The following NFIC variants were observed in gnomAD, a reference collection of about 807,000 sequenced individuals.
The protein encoded by NFIC is nuclear factor I C, also known as nuclear factor 1 C-type.
In NFIC, 12 loss-of-function variants were observed where a neutral mutation model predicts 54.4. The observed-to-expected ratio is 0.22, with a 90% CI of 0.14 to 0.36. The LOEUF (loss-of-function observed/expected upper bound fraction) is 0.36, where lower values mean the gene tolerates loss of function less well. Ranked by LOEUF, NFIC falls within the 10% of genes least tolerant of loss-of-function variation. The pLI is 1.00. For synonymous variants in NFIC, 322 were observed against 319.2 expected, an observed-to-expected ratio of 1.01 and a Z score of -0.09; for missense variants, 575 against 718.2, an observed-to-expected ratio of 0.80 and a Z score of 2.28.
At chr19:3,454,062 G>A (rs2082513069) in intron 9 of NFIC, 146 bp downstream of exon 9, 2 of 1,379,730 alleles carry the variant, frequency 1.4e-6, no homozygotes, top group Non-Finnish European at 1.9e-6. Context: ...CAGCCCAGTG[G>A]CCACGTGGTT....
Position 3,382,177 on chromosome 19 carries a change from C to A in NFIC, c.496C>A (p.Pro166Thr). Residue 166 changes from proline to threonine, a missense_variant, in exon 2 of 11, where the codon CCG (proline) becomes ACG (threonine). This residue lies in a region of NFIC where 447 missense variants were observed against 526.9 expected (regional missense o/e 0.85). Coordinates refer to ENST00000443272, the MANE Select transcript of NFIC (RefSeq NM_001245002.2). Reference protein sequence around the residue: ...QCGHPVLCVQPHHIGVAVKEL... With the variant: ...QCGHPVLCVQTHHIGVAVKEL... Reference sequence around the variant, plus strand: ...CGGTCACCCGGTCCTGTGCGTGCAGCCGCACCACATTGGCGTGGCCGTCAA... The same window carrying A: ...CGGTCACCCGGTCCTGTGCGTGCAGACGCACCACATTGGCGTGGCCGTCAA... The A allele has an allele frequency of 6.2e-7, 1 of 1,612,102 alleles. No individual in the cohort carries two copies. The highest frequency in any genetic ancestry group is 8.5e-7 in the Non-Finnish European group (1 of 1,179,932).
Position 3,449,090 on chromosome 19 carries a change from C to T in NFIC, c.1035C>T (p.Arg345=), listed in dbSNP as rs1897676388. The T allele has an allele frequency of 6.2e-7, 1 of 1,613,774 alleles. No individual in the cohort carries two copies. The highest frequency in any genetic ancestry group is 8.5e-7 in the Non-Finnish European group (1 of 1,179,900). ...FNSPSPQDSP[R]LSSFTQHHRP... ...GCCCGTCCCCCCAGGACTCTCCCCG[C>T]CTCTCCAGCTTCACCCAGCACCACC... The change falls in exon 7 of 11, where the codon CGC becomes CGT. Residue 345 remains arginine (R), a synonymous_variant. Transcript: ENST00000443272.
At chr19:3,401,641 GGGAGGCCCGTGGGGCTCT>G (rs2081557096) in intron 2 of NFIC, among the ~76,000 whole-genome samples, 2 of 152,182 alleles carry the variant, frequency 1.3e-5, no homozygotes, top group South Asian at 2.1e-4. Flanking sequence ...CCTGGTGCCC[GGGAGGCCCGTGGGGCTCT>G]GGGCTCCTGC....
chr19:3,367,740 C>T (rs967456440), intron 1 of NFIC, among the ~76,000 whole-genome samples: 1 of 152,168 alleles, frequency 6.6e-6, no homozygotes, highest in African/African-American at 2.4e-5. Flanking sequence ...CGGCTAAGGC[C>T]GGTTCTGGAG....
At chr19:3,435,057 G>GC in intron 5 of NFIC, 26 bp from the exon 6 acceptor site, 1 of 1,561,082 alleles carries the variant, frequency 6.4e-7, no homozygotes, top group Non-Finnish European at 8.7e-7. Context: ...CTGGTAACCA[G>GC]CCTCTCCCCT....
rs146792697 is a variant in NFIC, at chr19:3,391,790, C to G, written c.562+9547C>G. 1.8e-3 allele frequency among the ~76,000 whole-genome samples: 277 copies of G among 151,686 alleles called. 4 individuals carry two copies. Among genetic ancestry groups the G allele is most frequent in the African/African-American group, 5.5e-3 (229 of 41,394 alleles). On this transcript the variant is annotated intron_variant, in intron 2 of 10. Coordinates refer to ENST00000443272, the MANE Select transcript of NFIC (RefSeq NM_001245002.2). ...CCAGCCTGGGCAACAGAGTGAGACT[C>G]CGTTTCAAAAAAAAATGTTATATAT...
chr19:3,464,396 C>A lies in NFIC; in HGVS notation c.*1627C>A. On this transcript the variant is annotated 3_prime_UTR_variant, in exon 11 of 11. Transcript: ENST00000443272. ...ACTAAGCTGGGGACGCCAGGTGCCCCCCCACCCCGGCTCCCTGGCCCTATC... is the reference window on the plus strand; with the variant it reads ...ACTAAGCTGGGGACGCCAGGTGCCCACCCACCCCGGCTCCCTGGCCCTATC... The A allele has an allele frequency of 1.0e-6, 1 of 984,544 alleles. No homozygotes were observed. The highest frequency in any genetic ancestry group is 1.2e-6 in the Non-Finnish European group (1 of 829,238). The allele number at this position is 984,544 out of a possible 1,614,324, so 61.0% of individuals were successfully genotyped here.
rs921431347 is a variant in NFIC at position 3,453,098 on chromosome 19, G to A, written c.1269+432G>A. 2.6e-5 allele frequency among the ~76,000 whole-genome samples: 4 copies of A among 152,188 alleles called. No homozygotes were observed. The highest frequency in any genetic ancestry group is 4.4e-5 in the Non-Finnish European group (3 of 68,044). On this transcript the variant is annotated intron_variant, in intron 8 of 10. Transcript: ENST00000443272. This position sits in a 1 kb window ranked among gnomAD's most constrained non-coding sequence, Gnocchi z 6.7. ...AAAAAAATACTTAAAAATGAGCCAC[G>A]CATGGTGGCGGGCGCCTGTAGTCCC...
intron 1 of NFIC, among the ~76,000 whole-genome samples, chr19:3,367,090 G>GTC (rs1172618427): frequency 4.0e-4 from 61 of 152,144 alleles, no homozygotes; most frequent in Non-Finnish European, 2.9e-5. Flanking sequence ...AATCTAGGGG[G>GTC]TCGTGATTGG....
At chr19:3,433,734 G>T (rs781779351) in intron 4 of NFIC, 142 bp downstream of exon 4, 1 of 935,480 alleles carries the variant, frequency 1.1e-6, no homozygotes, top group Non-Finnish European at 1.6e-6. Flanking sequence ...TAGAAAGGGA[G>T]GTGGCCAGGC....
rs1491243116 is a variant in NFIC, at chr19:3,444,109, A to AG, written c.959-4905_959-4904insG. On this transcript the variant is annotated intron_variant, in intron 6 of 10. Transcript: ENST00000443272. ...GTGATGAGGGCCTTTTGTCAAATAC[A>AG]AAGAGGAGGTCAGATGGGCGTGTGT... Among the ~76,000 whole-genome samples, 5 of 128,216 alleles carry AG rather than the reference A, an allele frequency of 3.9e-5. 2 individuals carry two copies. The highest frequency in any genetic ancestry group is 1.2e-4 in the African/African-American group (4 of 34,614). 84.1% of individuals were successfully genotyped at this position (128,216 alleles called of 152,430 possible). A position where few individuals can be genotyped will look rare whatever the true frequency, so the allele number is the denominator to read the frequency against.
chr19:3,459,713 C>A lies in NFIC; in HGVS notation c.1510-3039C>A, dbSNP rs1444817321. 6.6e-6 allele frequency among the ~76,000 whole-genome samples: 1 copy of A among 152,200 alleles called. No homozygotes were observed. Among genetic ancestry groups the A allele is most frequent in the Non-Finnish European group, 1.5e-5 (1 of 68,028 alleles). On this transcript the variant is annotated intron_variant, in intron 10 of 10. Coordinates refer to ENST00000443272, the MANE Select transcript of NFIC (RefSeq NM_001245002.2). The surrounding 1 kb of genome is among the most constrained non-coding windows in gnomAD (Gnocchi z 4.2). ...GGGCTGAGGGGAGGCTGGTCCACCA[C>A]GGGGAGGGTCACGCCCAGAGTCTGT...
At position 3,453,711 on chromosome 19, in the gene NFIC, C is replaced by T. The variant is rs929524933; in HGVS notation, c.1270-52C>T. The T allele has an allele frequency of 3.0e-5, 47 of 1,550,286 alleles. No individual in the cohort carries two copies. Among genetic ancestry groups the T allele is most frequent in the Non-Finnish European group, 4.0e-5 (46 of 1,155,000 alleles). ...CCGGGGGCGGCCGGCGCCAGCAGCC[C>T]GAGGTAGAGGGGGAGCCCACCCCTT... On this transcript the variant is annotated intron_variant, in intron 8 of 10. Coordinates refer to ENST00000443272, the MANE Select transcript of NFIC (RefSeq NM_001245002.2). The surrounding 1 kb of genome is among the most constrained non-coding windows in gnomAD (Gnocchi z 6.7).
rs2145433265 is a variant in NFIC, at chr19:3,370,361, C to T, written c.30+3695C>T. On this transcript the variant is annotated intron_variant, in intron 1 of 10. Coordinates refer to ENST00000443272, the MANE Select transcript of NFIC (RefSeq NM_001245002.2). The surrounding 1 kb of genome is among the most constrained non-coding windows in gnomAD (Gnocchi z 5.2). ...TCCCGCTGTATCTCCCTCTGGGTCT[C>T]TCTGTGCATCTCTCTCTGTTTCTCC... Among the ~76,000 whole-genome samples, 1 of 152,184 alleles carries T rather than the reference C, an allele frequency of 6.6e-6. No individual in the cohort carries two copies. The highest frequency in any genetic ancestry group is 2.4e-5 in the African/African-American group (1 of 41,526).
At chr19:3,377,621 A>AT (rs991499319) in intron 1 of NFIC, among the ~76,000 whole-genome samples, 1 of 151,568 alleles carries the variant, frequency 6.6e-6, no homozygotes, top group Non-Finnish European at 1.5e-5. Flanking sequence ...TTTATTTTTT[A>AT]TTTTTTTAGA....
intron 2 of NFIC, among the ~76,000 whole-genome samples, chr19:3,417,174 C>T (rs1025037525): frequency 3.9e-5 from 6 of 152,032 alleles, no homozygotes; most frequent in Admixed American, 2.0e-4. Flanking sequence ...CGTGTGCCAC[C>T]ACGCCTGGCC....
intron 6 of NFIC, among the ~76,000 whole-genome samples, chr19:3,436,127 C>CTGTT (rs2082198487): frequency 7.9e-6 from 1 of 126,534 alleles, no homozygotes; most frequent in African/African-American, 3.5e-5. Context: ...CACGCCCGGC[C>CTGTT]TCTGTTTTTG....
In NFIC at chr19:3,453,687, C is replaced by T. The variant is rs1174733655; in HGVS notation, c.1270-76C>T. On this transcript the variant is annotated intron_variant, in intron 8 of 10. Transcript: ENST00000443272. This position sits in a 1 kb window ranked among gnomAD's most constrained non-coding sequence, Gnocchi z 6.7. ...ACCCCGTCCGGGCCGTGCACAGAGC[C>T]GGGGGCGGCCGGCGCCAGCAGCCCG... 28 of 1,511,682 alleles carry T rather than the reference C, an allele frequency of 1.9e-5. No homozygotes were observed. The highest frequency in any genetic ancestry group is 1.3e-4 in the Admixed American group (5 of 39,644). 93.6% of individuals were successfully genotyped at this position (1,511,682 alleles called of 1,614,324 possible).
upstream of NFIC, among the ~76,000 whole-genome samples, chr19:3,361,900 G>GCACA (rs571624052): frequency 6.6e-6 from 1 of 152,072 alleles, no homozygotes; most frequent in Non-Finnish European, 1.5e-5. Context: ...GCATGACTCT[G>GCACA]CACACACAAC....
Sources: allele counts gnomAD v4.1 joint callset (sites outside exome capture counted in the v4.1 genomes callset), GRCh38; gene constraint gnomAD v4.1.1; regional missense constraint gnomAD v4.1.1; non-coding constraint Gnocchi (gnomAD v3.1); transcripts MANE v1.5; gene names NCBI Gene and HGNC (gene_info 2026-07-23, HGNC 2026-07-21).